AGAP1: variants seen among roughly 807,000 people sequenced by gnomAD.
The protein encoded by AGAP1 is arf-GAP with GTPase, ANK repeat and PH domain-containing protein 1.
Under a neutral mutation model 105.3 loss-of-function variants are expected in AGAP1, and 29 were observed. The observed-to-expected ratio is 0.28, with a 90% confidence interval of 0.21 to 0.38. The LOEUF is 0.38. Ranked by LOEUF, AGAP1 falls within the 10% of genes least tolerant of loss-of-function variation. AGAP1 has a pLI of 1.00. For missense variants in AGAP1, 998 were observed against 1,165.1 expected (o/e 0.86, Z 2.09); for synonymous variants, 509 against 485.9 (o/e 1.05, Z -0.63).
chr2:235,642,993 G>A lies in AGAP1; in HGVS notation c.164-66186G>A, dbSNP rs1009371828. 6.6e-6 allele frequency among the ~76,000 whole-genome samples: 1 copy of A among 152,128 alleles called. No individual in the cohort carries two copies. The highest frequency in any genetic ancestry group is 1.5e-5 in the Non-Finnish European group (1 of 68,036). Reference sequence around the variant, plus strand: ...TGGAGGTGACTGTAGGATTAGCCCCGGCTTTGCAGCAGGTTTTCTTGGGAG... The same window carrying A: ...TGGAGGTGACTGTAGGATTAGCCCCAGCTTTGCAGCAGGTTTTCTTGGGAG... On this transcript the variant is annotated intron_variant, in intron 1 of 17. Coordinates refer to ENST00000304032, the MANE Select transcript of AGAP1 (RefSeq NM_001037131.3). This position sits in a 1 kb window ranked among gnomAD's most constrained non-coding sequence, Gnocchi z 4.1.
At position 236,113,536 on chromosome 2, in the gene AGAP1, C is replaced by A. The variant is rs1233261287; in HGVS notation, c.2115-6656C>A. ...ATCCTTAAGCCCACACTAAGTGCTC[C>A]GGTTACATGGAGATTACACCTTGCC... is the stretch of plus-strand genomic sequence containing the variant. On this transcript the variant is annotated intron_variant, in intron 16 of 17. Transcript: ENST00000304032. The surrounding 1 kb of genome is among the most constrained non-coding windows in gnomAD (Gnocchi z 4.3). Among the ~76,000 whole-genome samples, 1 of 152,160 alleles carries A rather than the reference C, an allele frequency of 6.6e-6. No homozygotes were observed. The highest frequency in any genetic ancestry group is 1.5e-5 in the Non-Finnish European group (1 of 68,034).
chr2:235,740,939 C>T lies in AGAP1; in HGVS notation c.311-24C>T, dbSNP rs1364126836. 2.8e-5 allele frequency: 45 copies of T among 1,613,888 alleles called. No individual in the cohort carries two copies. Among genetic ancestry groups the T allele is most frequent in the Non-Finnish European group, 3.5e-5 (41 of 1,179,900 alleles). On this transcript the variant is annotated intron_variant, in intron 3 of 17. Coordinates refer to ENST00000304032, the MANE Select transcript of AGAP1 (RefSeq NM_001037131.3). This position sits in a 1 kb window ranked among gnomAD's most constrained non-coding sequence, Gnocchi z 5.7. ...CTCACTCTCTGTTGTTCTCGTGTAACGAGATGTTTTGTGTGTGTGGCAGGT... is the reference window on the plus strand; with the variant it reads ...CTCACTCTCTGTTGTTCTCGTGTAATGAGATGTTTTGTGTGTGTGGCAGGT...
At chr2:236,075,358 A>G (rs2058608609) in intron 16 of AGAP1, among the ~76,000 whole-genome samples, 1 of 152,122 alleles carries the variant, frequency 6.6e-6, no homozygotes, top group Non-Finnish European at 1.5e-5. Flanking sequence ...AAGACTTGGT[A>G]CTGCCCATCC....
intron 2 of AGAP1, 32 bp downstream of exon 2, chr2:235,709,269 G>A: frequency 1.2e-6 from 2 of 1,607,420 alleles, no homozygotes. Flanking sequence ...TGGCACCTGT[G>A]GGAAGGGAGG....
rs1364383131 is a variant in AGAP1 at position 235,577,933 on chromosome 2, T to A, written c.163+83084T>A. 6.6e-6 allele frequency among the ~76,000 whole-genome samples: 1 copy of A among 152,092 alleles called. No homozygotes were observed. Among genetic ancestry groups the A allele is most frequent in the East Asian group, 1.9e-4 (1 of 5,170 alleles). On this transcript the variant is annotated intron_variant, in intron 1 of 17. Coordinates refer to ENST00000304032, the MANE Select transcript of AGAP1 (RefSeq NM_001037131.3). The surrounding 1 kb of genome is among the most constrained non-coding windows in gnomAD (Gnocchi z 4.5). ...GAGCGGGGCTGTTTGTTGAGGCTCC[T>A]GATGCAGACAAGGGAGCAGTGTCTG...
intron 1 of AGAP1, among the ~76,000 whole-genome samples, chr2:235,506,797 G>C (rs1181512847): frequency 6.6e-6 from 1 of 152,136 alleles, no homozygotes; most frequent in African/African-American, 2.4e-5. Context: ...CTGTGCTGAC[G>C]GTTTGCAAAG....
At position 236,062,498 on chromosome 2, in the gene AGAP1, C is replaced by A. The variant is rs530519447; in HGVS notation, c.2114+13217C>A. Among the ~76,000 whole-genome samples the A allele has an allele frequency of 6.6e-6, 1 of 151,376 alleles. No individual in the cohort carries two copies. Among genetic ancestry groups the A allele is most frequent in the African/African-American group, 2.4e-5 (1 of 41,064 alleles). On this transcript the variant is annotated intron_variant, in intron 16 of 17. Coordinates refer to ENST00000304032, the MANE Select transcript of AGAP1 (RefSeq NM_001037131.3). The surrounding 1 kb of genome is among the most constrained non-coding windows in gnomAD (Gnocchi z 4.2). ...TATTTTCATGTATTTTTTTTAGAAACAGAATCTCACTCTATCACACAGGCT... is the reference window on the plus strand; with the variant it reads ...TATTTTCATGTATTTTTTTTAGAAAAAGAATCTCACTCTATCACACAGGCT...
chr2:235,818,359 C>A (rs898864374), intron 9 of AGAP1, among the ~76,000 whole-genome samples: 2 of 152,178 alleles, frequency 1.3e-5, no homozygotes, highest in South Asian at 4.1e-4. Context: ...TCCAGGAGTC[C>A]TCTCTGAAAC....
rs1357299772 is a variant in AGAP1, at chr2:235,620,948, C to G, written c.164-88231C>G. 6.6e-6 allele frequency among the ~76,000 whole-genome samples: 1 copy of G among 152,208 alleles called. No homozygotes were observed. The highest frequency in any genetic ancestry group is 1.5e-5 in the Non-Finnish European group (1 of 68,044). On this transcript the variant is annotated intron_variant, in intron 1 of 17. Coordinates refer to ENST00000304032, the MANE Select transcript of AGAP1 (RefSeq NM_001037131.3). The surrounding 1 kb of genome is among the most constrained non-coding windows in gnomAD (Gnocchi z 4.5). ...AGGGGGCTGGGGTCTGTTGTGAGTT[C>G]AGGAGCCAGGGGGCTGCATCTGCGT...
chr2:236,031,880 C>T (rs912780731), intron 13 of AGAP1, among the ~76,000 whole-genome samples: 1 of 152,164 alleles, frequency 6.6e-6, no homozygotes, highest in Non-Finnish European at 1.5e-5. Context: ...GTGATAGAGA[C>T]AGGACCACCT....
chr2:235,739,985 AGAG>A lies in AGAP1; in HGVS notation c.311-974_311-972del, dbSNP rs1952482191. Among the ~76,000 whole-genome samples, 1 of 152,230 alleles carries A rather than the reference AGAG, an allele frequency of 6.6e-6. No individual in the cohort carries two copies. Among genetic ancestry groups the A allele is most frequent in the African/African-American group, 2.4e-5 (1 of 41,464 alleles). On this transcript the variant is annotated intron_variant, in intron 3 of 17. Transcript: ENST00000304032. The surrounding 1 kb of genome is among the most constrained non-coding windows in gnomAD (Gnocchi z 5.3). ...CAGGGTTTCTGGACGGCATCTGCAC[AGAG>A]GAGCGGAAGACAAGAGCTGGGAACC...
chr2:235,671,818 A>T (rs1297469913), intron 1 of AGAP1, among the ~76,000 whole-genome samples: 1 of 152,130 alleles, frequency 6.6e-6, no homozygotes, highest in Non-Finnish European at 1.5e-5. Flanking sequence ...GCATGGAGGG[A>T]TCTCCAGCCA....
chr2:236,086,693 T>C (rs1343155231), intron 16 of AGAP1, among the ~76,000 whole-genome samples: 1 of 152,218 alleles, frequency 6.6e-6, no homozygotes, highest in Non-Finnish European at 1.5e-5. Context: ...TAGCCATTTT[T>C]AATAGAGCCG....
chr2:235,916,588 C>CA (rs1291215640), intron 11 of AGAP1, among the ~76,000 whole-genome samples: 3 of 152,182 alleles, frequency 2.0e-5, no homozygotes, highest in Non-Finnish European at 4.4e-5. Context: ...TCTCCTGTCT[C>CA]AGACCCTTCT....
rs2149680357 is a variant in AGAP1 at position 235,744,972 on chromosome 2, A to G, written c.538+133A>G. 3.8e-6 allele frequency: 4 copies of G among 1,066,372 alleles called. 1 individual carries two copies. In the Middle Eastern group the frequency reaches 6.3e-4, roughly 167 times the overall value. 66.1% of individuals were successfully genotyped at this position (1,066,372 alleles called of 1,614,324 possible). A position where few individuals can be genotyped will look rare whatever the true frequency, so the allele number is the denominator to read the frequency against. On this transcript the variant is annotated intron_variant, in intron 5 of 17. Coordinates refer to ENST00000304032, the MANE Select transcript of AGAP1 (RefSeq NM_001037131.3). The surrounding 1 kb of genome is among the most constrained non-coding windows in gnomAD (Gnocchi z 5.2). ...AACGCTCACTTTTTTGGGAAAAATT[A>G]TGGAACTGAAATGATCACATTTCCT...
rs1477255151 is a variant in AGAP1, at chr2:236,050,881, T to C, written c.2114+1600T>C. The stretch of plus-strand genomic sequence containing the variant: ...CATGTTTTACCTGATAAATGTTTTA[T>C]AATTTCATCTTCATTCATAAATGAA... On this transcript the variant is annotated intron_variant, in intron 16 of 17. Transcript: ENST00000304032. The surrounding 1 kb of genome is among the most constrained non-coding windows in gnomAD (Gnocchi z 4.0). Among the ~76,000 whole-genome samples the C allele has an allele frequency of 1.3e-5, 2 of 152,256 alleles. No homozygotes were observed. The highest frequency in any genetic ancestry group is 6.5e-5 in the Admixed American group (1 of 15,288).
At chr2:235,509,472 A>G (rs1941976414) in intron 1 of AGAP1, among the ~76,000 whole-genome samples, 4 of 152,094 alleles carry the variant, frequency 2.6e-5, no homozygotes, top group Admixed American at 2.0e-4. Flanking sequence ...ACCTCAAGTG[A>G]TCCACCCTCC....
intron 1 of AGAP1, among the ~76,000 whole-genome samples, chr2:235,511,884 G>GTA (rs1407252487): frequency 6.6e-6 from 1 of 151,506 alleles, no homozygotes; most frequent in Non-Finnish European, 1.5e-5. Flanking sequence ...ATGTGAATGT[G>GTA]TGTGAATGTG....
At chr2:235,928,750 G>A (rs2052574338) in intron 11 of AGAP1, among the ~76,000 whole-genome samples, 1 of 151,674 alleles carries the variant, frequency 6.6e-6, no homozygotes, top group African/African-American at 2.4e-5. Flanking sequence ...ATCTGGCTAA[G>A]GCACACAATA....
Sources: gnomAD v4.1 joint callset for allele counts (sites outside exome capture counted in the v4.1 genomes callset) on GRCh38, gnomAD v4.1.1 for gene constraint, Gnocchi (gnomAD v3.1) non-coding constraint, MANE v1.5 for transcripts, NCBI Gene and HGNC (gene_info 2026-07-23, HGNC 2026-07-21) for gene names.